NCAM2: variants seen among roughly 807,000 people sequenced by gnomAD.
The protein encoded by NCAM2 is N-CAM-2.
Under a neutral mutation model 98.1 loss-of-function variants are expected in NCAM2, and 30 were observed. That is an observed-to-expected ratio of 0.31 (90% CI 0.23 to 0.41). The LOEUF is 0.41. NCAM2 is among the 10% of genes least tolerant of loss of function. NCAM2 has a pLI of 1.00. For missense variants in NCAM2, 867 were observed against 1,005.8 expected, an observed-to-expected ratio of 0.86 and a Z score of 1.87; for synonymous variants, 368 against 342.4, an observed-to-expected ratio of 1.07 and a Z score of -0.83.
chr21:21,521,191 G>T (rs1312640591), intron 16 of NCAM2, among the ~76,000 whole-genome samples: 1 of 152,084 alleles, frequency 6.6e-6, no homozygotes, highest in Non-Finnish European at 1.5e-5. Flanking sequence ...TATTCATTCT[G>T]TCCCACCAAG....
At chr21:21,245,783 G>A (rs1328434390) in intron 1 of NCAM2, among the ~76,000 whole-genome samples, 1 of 152,130 alleles carries the variant, frequency 6.6e-6, no homozygotes, top group Admixed American at 6.5e-5. Flanking sequence ...GAGGAAGTTA[G>A]GTGGATGGTA....
intron 12 of NCAM2, among the ~76,000 whole-genome samples, chr21:21,460,791 G>A (rs1982860516): frequency 6.6e-6 from 1 of 151,884 alleles, no homozygotes; most frequent in African/African-American, 2.4e-5. Context: ...AATAATGAGG[G>A]TGTGATCAAT....
chr21:21,452,533 TATAA>T (rs1981297623), intron 12 of NCAM2, among the ~76,000 whole-genome samples: 2 of 128,016 alleles, frequency 1.6e-5, no homozygotes, highest in Non-Finnish European at 3.2e-5. Context: ...TATTATATAT[TATAA>T]ATAAATATAT....
At chr21:21,184,515 A>G (rs1237153794) in intron 1 of NCAM2, among the ~76,000 whole-genome samples, 2 of 152,052 alleles carry the variant, frequency 1.3e-5, no homozygotes, top group African/African-American at 4.8e-5. Flanking sequence ...ATAGATTAGG[A>G]TTTAATTGGT....
intron 1 of NCAM2, among the ~76,000 whole-genome samples, chr21:21,155,048 G>A (rs1374079002): frequency 6.6e-6 from 1 of 151,570 alleles, no homozygotes; most frequent in African/African-American, 2.4e-5. Flanking sequence ...AAAAACAGGG[G>A]TAAATGCAGT....
At chr21:21,413,292 G>T (rs565946410) in intron 10 of NCAM2, among the ~76,000 whole-genome samples, 3 of 152,246 alleles carry the variant, frequency 2.0e-5, no homozygotes, top group South Asian at 4.1e-4. Flanking sequence ...CTAAATAGGG[G>T]TGCTTACTGT....
intron 5 of NCAM2, among the ~76,000 whole-genome samples, chr21:21,297,577 A>G (rs2073533094): frequency 6.6e-6 from 1 of 151,790 alleles, no homozygotes; most frequent in Non-Finnish European, 1.5e-5. Context: ...TTTTAACTAG[A>G]TAATTGTGCT....
intron 1 of NCAM2, among the ~76,000 whole-genome samples, chr21:21,118,923 CTTAATT>C (rs1390835853): frequency 1.3e-5 from 2 of 152,030 alleles, no homozygotes; most frequent in Admixed American, 1.3e-4. Flanking sequence ...TGTTAAGGTT[CTTAATT>C]TTATGTTCAT....
intron 15 of NCAM2, among the ~76,000 whole-genome samples, chr21:21,477,772 A>G (rs549986686): frequency 6.6e-6 from 1 of 152,300 alleles, no homozygotes; most frequent in African/African-American, 2.4e-5. Flanking sequence ...TATTGAGGCC[A>G]TACGAAAGCT....
At chr21:21,125,416 C>A (rs1380874990) in intron 1 of NCAM2, among the ~76,000 whole-genome samples, 13 of 135,972 alleles carry the variant, frequency 9.6e-5, no homozygotes, top group Admixed American at 1.6e-4. Context: ...TAATATTTTA[C>A]ATATATTCAT....
At chr21:21,352,386 G>A (rs1401633384) in intron 8 of NCAM2, among the ~76,000 whole-genome samples, 1 of 151,814 alleles carries the variant, frequency 6.6e-6, no homozygotes, top group Non-Finnish European at 1.5e-5. Flanking sequence ...ACTCCCAGAG[G>A]GCTGGGATTA....
At chr21:21,536,060 G>A (rs1201622627) in intron 17 of NCAM2, among the ~76,000 whole-genome samples, 1 of 152,038 alleles carries the variant, frequency 6.6e-6, no homozygotes, top group Non-Finnish European at 1.5e-5. Flanking sequence ...TTGCTTTTAT[G>A]ACCTTGTATT....
intron 8 of NCAM2, among the ~76,000 whole-genome samples, chr21:21,342,684 A>G (rs78637646): frequency 0.14 from 21,944 of 152,178 alleles, 1,894 homozygotes; most frequent in Non-Finnish European, 0.2. Flanking sequence ...ACAAATTATA[A>G]GGTCGCCCAA....
chr21:21,461,821 G>A (rs759892632), intron 12 of NCAM2, among the ~76,000 whole-genome samples: 25 of 152,034 alleles, frequency 1.6e-4, no homozygotes, highest in Admixed American at 7.9e-4. Flanking sequence ...ATTGAACTGA[G>A]ATGATTACAT....
chr21:21,446,068 T>G (rs1394270222), intron 12 of NCAM2, among the ~76,000 whole-genome samples: 3 of 151,934 alleles, frequency 2.0e-5, no homozygotes, highest in East Asian at 3.9e-4. Flanking sequence ...CTGAAAATGA[T>G]TTTTTTTCTC....
At chr21:21,489,474 C>T (rs1479347553) in intron 15 of NCAM2, among the ~76,000 whole-genome samples, 1 of 151,602 alleles carries the variant, frequency 6.6e-6, no homozygotes, top group African/African-American at 2.4e-5. Flanking sequence ...TCTTATGCTT[C>T]CTTTCTAAAT....
intron 15 of NCAM2, among the ~76,000 whole-genome samples, chr21:21,506,664 C>A (rs1237030353): frequency 6.6e-6 from 1 of 151,998 alleles, no homozygotes; most frequent in Non-Finnish European, 1.5e-5. Context: ...TCTAGTTATT[C>A]CTCAAGTGGT....
chr21:21,196,852 G>A (rs1601619133), intron 1 of NCAM2, among the ~76,000 whole-genome samples: 3 of 152,282 alleles, frequency 2.0e-5, no homozygotes, highest in East Asian at 1.9e-4. Context: ...CATGGGGGCC[G>A]TTTCTCATGA....
chr21:21,305,163 C>T (rs2073842119), intron 5 of NCAM2, among the ~76,000 whole-genome samples: 1 of 151,880 alleles, frequency 6.6e-6, no homozygotes, highest in African/African-American at 2.4e-5. Context: ...ATTAAAAATA[C>T]AAAAATTAGC....
Sources: allele counts gnomAD v4.1 joint callset (sites outside exome capture counted in the v4.1 genomes callset), GRCh38; gene constraint gnomAD v4.1.1; transcripts MANE v1.5; gene names NCBI Gene and HGNC (gene_info 2026-07-23, HGNC 2026-07-21).